The following ITPR1 variants were observed in gnomAD, a reference collection of about 807,000 sequenced individuals.
ITPR1 encodes inositol 1,4,5-trisphosphate receptor type 1.
Under a neutral mutation model 318.4 loss-of-function variants are expected in ITPR1, and 96 were observed. The observed-to-expected ratio is 0.30, with a 90% CI of 0.26 to 0.36. The LOEUF (loss-of-function observed/expected upper bound fraction) is 0.36, where lower values mean the gene tolerates loss of function less well. ITPR1 is among the 10% of genes least tolerant of loss of function. The pLI is 1.00. For missense variants in ITPR1, 2,440 were observed against 3,460.2 expected, an observed-to-expected ratio of 0.71 and a Z score of 7.40; for synonymous variants, 1,312 against 1,289.9, an observed-to-expected ratio of 1.02 and a Z score of -0.37.
At chr3:4,750,867 C>T (rs1338207382) in intron 44 of ITPR1, 1 of 152,542 alleles carries the variant, frequency 6.6e-6, no homozygotes, top group Non-Finnish European at 1.5e-5. Flanking sequence ...ATTGTGTAGC[C>T]CCGGGACATC....
chr3:4,727,200 G>A (rs1450518929), intron 42 of ITPR1, 27 bp downstream of exon 42: 11 of 1,548,558 alleles, frequency 7.1e-6, no homozygotes, highest in African/African-American at 4.1e-5. Flanking sequence ...CTTGGGTATC[G>A]GGAGCTAATG....
At chr3:4,725,214 A>T (rs1436697379) in intron 40 of ITPR1, among the ~76,000 whole-genome samples, 7 of 151,242 alleles carry the variant, frequency 4.6e-5, no homozygotes, top group Middle Eastern at 3.2e-3. Context: ...GACTGAGACA[A>T]GGATGTGCTG....
intron 4 of ITPR1, among the ~76,000 whole-genome samples, chr3:4,539,027 GA>G (rs1489084210): frequency 1.5e-4 from 23 of 152,084 alleles, no homozygotes; most frequent in Non-Finnish European, 1.0e-4. Flanking sequence ...ATGTATTCCA[GA>G]ACTTAAGATT....
At chr3:4,772,336 T>C (rs970877406) in intron 46 of ITPR1, among the ~76,000 whole-genome samples, 6 of 152,226 alleles carry the variant, frequency 3.9e-5, no homozygotes, top group African/African-American at 1.4e-4. Context: ...GCAGCACCCT[T>C]TGGGCTCGTG....
intron 5 of ITPR1, among the ~76,000 whole-genome samples, chr3:4,628,201 C>G (rs1284292055): frequency 6.6e-6 from 1 of 152,138 alleles, no homozygotes; most frequent in Non-Finnish European, 1.5e-5. Flanking sequence ...AACTGGTGCT[C>G]TTGGGCACGT....
chr3:4,634,289 C>A (rs1393903405), intron 5 of ITPR1, among the ~76,000 whole-genome samples: 1 of 152,086 alleles, frequency 6.6e-6, no homozygotes, highest in Non-Finnish European at 1.5e-5. Flanking sequence ...TCCCGGCTCA[C>A]TGCAGCCTCA....
intron 44 of ITPR1, among the ~76,000 whole-genome samples, chr3:4,745,980 C>A (rs778344435): frequency 3.9e-5 from 6 of 152,186 alleles, no homozygotes; most frequent in African/African-American, 1.2e-4. Context: ...GGAGTTTAAC[C>A]ATTGTTAGGA....
chr3:4,595,811 C>G (rs1457161980), intron 4 of ITPR1, among the ~76,000 whole-genome samples: 1 of 152,238 alleles, frequency 6.6e-6, no homozygotes, highest in Non-Finnish European at 1.5e-5. Context: ...ATTTAGGTCA[C>G]TGATGACCTT....
intron 2 of ITPR1, 22 bp from the exon 3 acceptor site, chr3:4,516,454 C>A: frequency 1.7e-6 from 2 of 1,202,410 alleles, no homozygotes; most frequent in Non-Finnish European, 1.2e-6. Context: ...TCTAACAATG[C>A]TGCATATTTT....
intron 24 of ITPR1, among the ~76,000 whole-genome samples, chr3:4,678,834 G>C (rs1285671546): frequency 6.6e-6 from 1 of 152,168 alleles, no homozygotes; most frequent in African/African-American, 2.4e-5. Context: ...GGCAGTTCTT[G>C]CTGAGCAGAG....
intron 4 of ITPR1, among the ~76,000 whole-genome samples, chr3:4,526,736 C>G (rs936841959): frequency 6.6e-6 from 1 of 152,110 alleles, no homozygotes; most frequent in Admixed American, 6.5e-5. Flanking sequence ...GGTAACTTGC[C>G]CATAGTCAGT....
In ITPR1 at chr3:4,756,745, G is replaced by T. The variant is rs1282261836; in HGVS notation, c.5545-9785G>T. Among the ~76,000 whole-genome samples the T allele has an allele frequency of 4.6e-5, 7 of 151,954 alleles. No homozygotes were observed. In the East Asian group the frequency reaches 1.3e-3, roughly 29 times the overall value. The stretch of plus-strand genomic sequence containing the variant: ...GGGAATTGCCATTCATTGTGTTTTT[G>T]CTGTCAATTTAGAGGCCATTCAACC... On this transcript the variant is annotated intron_variant, in intron 44 of 61. Transcript: ENST00000649015.
intron 14 of ITPR1, among the ~76,000 whole-genome samples, chr3:4,661,312 T>C (rs941564174): frequency 6.6e-6 from 1 of 152,220 alleles, no homozygotes; most frequent in Admixed American, 6.5e-5. Flanking sequence ...ATTCCATGGC[T>C]TCTGCCATAA....
At chr3:4,497,011 T>C (rs570626005) in intron 2 of ITPR1, among the ~76,000 whole-genome samples, 1 of 152,094 alleles carries the variant, frequency 6.6e-6, no homozygotes, top group South Asian at 2.1e-4. Flanking sequence ...TTTTTAAAAA[T>C]AAAACACATT....
intron 4 of ITPR1, among the ~76,000 whole-genome samples, chr3:4,618,725 A>G (rs2092481584): frequency 6.6e-6 from 1 of 152,180 alleles, no homozygotes; most frequent in Non-Finnish European, 1.5e-5. Flanking sequence ...ACCGTCCTCT[A>G]TCCCTGGAGC....
At position 4,735,428 on chromosome 3, in the gene ITPR1, T is replaced by C. The variant is rs1327310553; in HGVS notation, c.5544+74T>C. ...GAGAGTCTGTTCTGGGAGCCAGATG[T>C]CTGGGTGGTACCAAGCCTTGTTTGA... On this transcript the variant is annotated intron_variant, in intron 44 of 61. Transcript: ENST00000649015. The C allele has an allele frequency of 3.1e-6, 4 of 1,298,452 alleles. No homozygotes were observed. The African/African-American group carries it at 4.4e-5, about 14-fold the overall frequency. The allele number at this position is 1,298,452 out of a possible 1,614,324, so 80.4% of individuals were successfully genotyped here. A position where few individuals can be genotyped will look rare whatever the true frequency, so the allele number is the denominator to read the frequency against.
chr3:4,657,162 C>T (rs923433732), intron 12 of ITPR1, among the ~76,000 whole-genome samples: 10 of 152,190 alleles, frequency 6.6e-5, no homozygotes, highest in Admixed American at 4.6e-4. Context: ...TTCAGGGCTA[C>T]GCTGACTTCT....
At position 4,662,253 on chromosome 3, in the gene ITPR1, C is replaced by G. The variant is rs7632000; in HGVS notation, c.1412+11C>G. ...CCAGAATGAAAGGAGGTGAGCACTC[C>G]CGCATGCTCAGCACAGCCGCCCTCC... On this transcript the variant is annotated intron_variant, in intron 15 of 61. Coordinates refer to ENST00000649015, the MANE Select transcript of ITPR1 (RefSeq NM_001378452.1). The G allele has an allele frequency of 8.2e-6, 13 of 1,582,710 alleles. No individual in the cohort carries two copies. The highest frequency in any genetic ancestry group is 6.8e-5 in the East Asian group (3 of 44,294).
chr3:4,807,649 G>A (rs759203825), intron 55 of ITPR1, among the ~76,000 whole-genome samples: 1 of 152,172 alleles, frequency 6.6e-6, no homozygotes, highest in Non-Finnish European at 1.5e-5. Context: ...TACCATTAGG[G>A]GTGGATTTTG....
Sources: allele counts gnomAD v4.1 joint callset (sites outside exome capture counted in the v4.1 genomes callset), GRCh38; gene constraint gnomAD v4.1.1; transcripts MANE v1.5; gene names NCBI Gene and HGNC (gene_info 2026-07-23, HGNC 2026-07-21).